The following PHLPP1 variants were observed in gnomAD, a reference collection of about 807,000 sequenced individuals.
The protein encoded by PHLPP1 is PH domain leucine-rich repeat-containing protein phosphatase 1.
A neutral mutation model predicts 117.2 loss-of-function variants in PHLPP1; 42 were observed. The observed-to-expected ratio is 0.36, with a 90% CI of 0.28 to 0.46. The LOEUF (loss-of-function observed/expected upper bound fraction) is 0.46. Among genes scored for constraint, PHLPP1 ranks in the 20% least tolerant of loss-of-function variants. The pLI, the probability that PHLPP1 is intolerant of heterozygous loss-of-function variation, is 1.00. For missense variants in PHLPP1, 2,084 were observed against 2,241.9 expected (o/e 0.93, Z 1.42); for synonymous variants, 1,042 against 970.7 (o/e 1.07, Z -1.37).
intron 1 of PHLPP1, among the ~76,000 whole-genome samples, chr18:62,823,592 T>TTATATATCTACATAAATA (rs71160871): frequency 0.19 from 28,592 of 147,122 alleles, 4,032 homozygotes; most frequent in African/African-American, 0.4. Flanking sequence ...TCTACATATA[T>TTATATATCTACATAAATA]TATATATCTA....
intron 1 of PHLPP1, among the ~76,000 whole-genome samples, chr18:62,717,844 C>A (rs764911033): frequency 2.0e-5 from 1 of 50,796 alleles, no homozygotes; most frequent in Non-Finnish European, 9.8e-5. Flanking sequence ...TGATACTTTT[C>A]CCCAGCGCTT....
chr18:62,733,427 T>G (rs1394448092), intron 1 of PHLPP1, among the ~76,000 whole-genome samples: 1 of 152,236 alleles, frequency 6.6e-6, no homozygotes, highest in African/African-American at 2.4e-5. Flanking sequence ...AACATAACTT[T>G]TTATATGCGC....
chr18:62,948,674 T>G (rs1371153236), intron 12 of PHLPP1, among the ~76,000 whole-genome samples: 3 of 143,092 alleles, frequency 2.1e-5, no homozygotes, highest in Non-Finnish European at 3.0e-5. Flanking sequence ...TTGTTGGGAT[T>G]TTTTTTTTTT....
intron 2 of PHLPP1, among the ~76,000 whole-genome samples, chr18:62,836,782 G>C (rs1003080374): frequency 6.6e-6 from 1 of 151,586 alleles, no homozygotes; most frequent in Non-Finnish European, 1.5e-5. Context: ...GGCTATATAG[G>C]GGCCAGGCGT....
chr18:62,860,112 G>C (rs1915595510), intron 3 of PHLPP1, among the ~76,000 whole-genome samples: 1 of 152,190 alleles, frequency 6.6e-6, no homozygotes, highest in African/African-American at 2.4e-5. Flanking sequence ...ACTGTGGGCA[G>C]TTGTAACAAA....
At chr18:62,906,618 C>A (rs1379465148) in intron 8 of PHLPP1, among the ~76,000 whole-genome samples, 2 of 43,614 alleles carry the variant, frequency 4.6e-5, no homozygotes, top group African/African-American at 1.8e-4. Flanking sequence ...AACGGCGCAC[C>A]ACGAGACTAT....
Position 62,978,986 on chromosome 18 carries a change from A to T in PHLPP1, c.4709A>T (p.His1570Leu). The change falls in exon 17 of 17, where the codon CAC becomes CTC. Residue 1570 changes from histidine (H) to leucine (L), a missense_variant. Physicochemically the swap from His to Leu is moderately conservative, Grantham distance 99 (BLOSUM62 -3). This residue lies in a region of PHLPP1 where 1,365 missense variants were observed against 1,605.9 expected (regional missense o/e 0.85). Transcript: ENST00000262719. This position sits in a 1 kb window ranked among gnomAD's most constrained non-coding sequence, Gnocchi z 7.0. The stretch of plus-strand genomic sequence containing the variant: ...CGGGTGGAGGTGGAGGTGGACATCC[A>T]CTGCAGCCGGGCCAAGGAGAAGGAG... ...GSRVEVEVDI[H>L]CSRAKEKEKQ... is the part of the protein sequence containing the mutation. 6.2e-7 allele frequency: 1 copy of T among 1,612,386 alleles called. No homozygotes were observed. Among genetic ancestry groups the T allele is most frequent in the Non-Finnish European group, 8.5e-7 (1 of 1,179,300 alleles).
intron 14 of PHLPP1, among the ~76,000 whole-genome samples, chr18:62,963,965 GT>G (rs1910837124): frequency 6.6e-6 from 1 of 152,012 alleles, no homozygotes; most frequent in Non-Finnish European, 1.5e-5. Flanking sequence ...TCATCTGCTT[GT>G]CTTGCCACCA....
At chr18:62,952,768 A>G (rs1910500869) in intron 12 of PHLPP1, among the ~76,000 whole-genome samples, 1 of 152,196 alleles carries the variant, frequency 6.6e-6, no homozygotes, top group Non-Finnish European at 1.5e-5. Context: ...CTGAGACTCC[A>G]GGTGCTCAGG....
Position 62,732,432 on chromosome 18 carries a change from T to C in PHLPP1, c.1576+15173T>C, listed in dbSNP as rs116352591. On this transcript the variant is annotated intron_variant, in intron 1 of 16. Transcript: ENST00000262719. ...TATTTACTTAATATTTTAAGCCCATTTTTGAGACCTACTGCTCAGAAAAAG... is the reference window on the plus strand; with the variant it reads ...TATTTACTTAATATTTTAAGCCCATCTTTGAGACCTACTGCTCAGAAAAAG... Among the ~76,000 whole-genome samples the C allele has an allele frequency of 7.7e-3, 1,178 of 152,292 alleles. 18 individuals carry two copies. The highest frequency in any genetic ancestry group is 0.027 in the African/African-American group (1,129 of 41,554).
rs776632366 is a variant in PHLPP1 at position 62,972,550 on chromosome 18, T to C, written c.3597T>C (p.Cys1199=). 2.2e-5 allele frequency: 35 copies of C among 1,613,198 alleles called. No individual in the cohort carries two copies. In the Admixed American group the frequency reaches 5.8e-4, roughly 27 times the overall value. The change falls in exon 15 of 17, where the codon TGT becomes TGC. Residue 1199 remains cysteine, a synonymous_variant. Transcript: ENST00000262719. ...CVAALSVNNF[C]DNREALYGVF... Reference sequence around the variant, plus strand: ...CAGCCCTGTCGGTGAATAACTTCTGTGACAACCGCGAAGCCCTGTATGGTG... The same window carrying C: ...CAGCCCTGTCGGTGAATAACTTCTGCGACAACCGCGAAGCCCTGTATGGTG...
chr18:62,970,409 A>G (rs938046211), intron 14 of PHLPP1, among the ~76,000 whole-genome samples: 1 of 152,196 alleles, frequency 6.6e-6, no homozygotes, highest in African/African-American at 2.4e-5. Context: ...TTGCCTCCCA[A>G]TACCCATTAG....
In PHLPP1 at chr18:62,978,585, C is replaced by T. The variant is rs62100048; in HGVS notation, c.4308C>T (p.Ala1436=). 37,034 of 1,613,180 alleles carry T rather than the reference C, an allele frequency of 0.023. 489 individuals are homozygous for T. Among genetic ancestry groups the T allele is most frequent in the Non-Finnish European group, 0.025 (29,820 of 1,179,358 alleles). Residue 1436 remains alanine, a synonymous_variant, in exon 17 of 17, where the codon GCC becomes GCT. Transcript: ENST00000262719. The surrounding 1 kb of genome is among the most constrained non-coding windows in gnomAD (Gnocchi z 7.0). ...GCTTCTGCTGCTGCGAGCTCAGCGC[C>T]GGTGGGGCTGTGCCACCACCCAGTC... ...EDSFCCCELS[A]GGAVPPPSPG...
intron 1 of PHLPP1, chr18:62,825,332 T>C (rs1374397324): frequency 6.7e-6 from 1 of 150,238 alleles, no homozygotes. Context: ...TGTAAAATTG[T>C]AAATACTTTA....
intron 1 of PHLPP1, among the ~76,000 whole-genome samples, chr18:62,772,153 A>T (rs955494466): frequency 6.6e-6 from 1 of 152,204 alleles, no homozygotes; most frequent in Non-Finnish European, 1.5e-5. Context: ...TGAATTCTCA[A>T]CTGTGTTCAG....
At chr18:62,775,391 G>T (rs1356843230) in intron 1 of PHLPP1, among the ~76,000 whole-genome samples, 1 of 152,154 alleles carries the variant, frequency 6.6e-6, no homozygotes, top group East Asian at 1.9e-4. Context: ...GAGCCACCGC[G>T]CCCAGCCCAC....
Position 62,978,174 on chromosome 18 carries a change from G to A in PHLPP1, c.3985-88G>A, listed in dbSNP as rs878893250. On this transcript the variant is annotated intron_variant, in intron 16 of 16. Transcript: ENST00000262719. The surrounding 1 kb of genome is among the most constrained non-coding windows in gnomAD (Gnocchi z 7.0). Reference sequence around the variant, plus strand: ...AGCACTTCTCTGTGGTCCTACAGTCGAGACAGTCGAGGGACCCGCAGGGAA... The same window carrying A: ...AGCACTTCTCTGTGGTCCTACAGTCAAGACAGTCGAGGGACCCGCAGGGAA... 7.0e-6 allele frequency: 5 copies of A among 712,002 alleles called. No individual in the cohort carries two copies. The highest frequency in any genetic ancestry group is 2.7e-5 in the East Asian group (1 of 36,720). The allele number at this position is 712,002 out of a possible 1,614,324, so 44.1% of individuals were successfully genotyped here.
intron 1 of PHLPP1, among the ~76,000 whole-genome samples, chr18:62,740,564 T>A (rs1167848935): frequency 1.3e-5 from 2 of 152,262 alleles, no homozygotes; most frequent in Non-Finnish European, 2.9e-5. Context: ...CATGGAAATC[T>A]TGTTAATTGT....
chr18:62,758,927 A>G (rs1912119833), intron 1 of PHLPP1, among the ~76,000 whole-genome samples: 1 of 152,218 alleles, frequency 6.6e-6, no homozygotes, highest in African/African-American at 2.4e-5. Context: ...AACTAAGGAA[A>G]AAGGAAAATT....
Sources: allele counts gnomAD v4.1 joint callset (sites outside exome capture counted in the v4.1 genomes callset), GRCh38; gene constraint gnomAD v4.1.1; regional missense constraint gnomAD v4.1.1; non-coding constraint Gnocchi (gnomAD v3.1); transcripts MANE v1.5; gene names NCBI Gene and HGNC (gene_info 2026-07-23, HGNC 2026-07-21).